Variants in VPS45 observed in about 807,000 individuals in gnomAD.
VPS45 encodes vacuolar protein sorting-associated protein 45.
A neutral mutation model predicts 75.9 loss-of-function variants in VPS45; 35 were observed. The observed-to-expected ratio is 0.46, with a 90% CI of 0.35 to 0.61. VPS45 has a LOEUF of 0.61. Among genes scored for constraint, VPS45 ranks in the 20% least tolerant of loss-of-function variants. The pLI, the probability that VPS45 is intolerant of heterozygous loss-of-function variation, is 0.00. For missense variants in VPS45, 559 were observed against 685.9 expected, an observed-to-expected ratio of 0.81 and a Z score of 2.07; for synonymous variants, 220 against 238.2, an observed-to-expected ratio of 0.92 and a Z score of 0.70.
chr1:150,104,329 G>T (rs1462198169), intron 13 of VPS45, among the ~76,000 whole-genome samples: 2 of 152,106 alleles, frequency 1.3e-5, no homozygotes, highest in Non-Finnish European at 2.9e-5. Context: ...CCATGTTGCT[G>T]CAAAGGACAT....
At chr1:150,078,457 G>T (rs1417751811) in intron 7 of VPS45, among the ~76,000 whole-genome samples, 1 of 151,990 alleles carries the variant, frequency 6.6e-6, no homozygotes, top group Non-Finnish European at 1.5e-5. Context: ...TCAAAATACT[G>T]CTGTTAAAAC....
chr1:150,122,790 G>A (rs1553809917), intron 14 of VPS45, among the ~76,000 whole-genome samples: 1 of 151,886 alleles, frequency 6.6e-6, no homozygotes, highest in African/African-American at 2.4e-5. Flanking sequence ...CCTGAGGTCA[G>A]GAGTTTGAGA....
intron 13 of VPS45, among the ~76,000 whole-genome samples, chr1:150,108,266 G>C (rs587697759): frequency 1.1e-4 from 16 of 152,336 alleles, no homozygotes; most frequent in African/African-American, 3.8e-4. Flanking sequence ...GGAACCATCA[G>C]CAGATGTATT....
intron 13 of VPS45, among the ~76,000 whole-genome samples, chr1:150,095,182 G>T (rs1553802783): frequency 2.0e-5 from 3 of 152,154 alleles, no homozygotes; most frequent in African/African-American, 7.2e-5. Context: ...AACAAATGAA[G>T]AATATAATTT....
At chr1:150,077,558 A>G (rs781794836) in intron 6 of VPS45, 111 bp from the exon 7 acceptor site, 76 of 782,798 alleles carry the variant, frequency 9.7e-5, no homozygotes, top group Non-Finnish European at 1.4e-4. Flanking sequence ...TGGAAGATCT[A>G]TGTGGGTGCA....
intron 10 of VPS45, among the ~76,000 whole-genome samples, chr1:150,088,434 A>ATATAT (rs1656134207): frequency 3.2e-5 from 4 of 125,540 alleles, no homozygotes; most frequent in African/African-American, 6.5e-5. Context: ...CTGAATAATA[A>ATATAT]ATATATATAT....
At chr1:150,099,885 T>C (rs1571862231) in intron 13 of VPS45, among the ~76,000 whole-genome samples, 3 of 143,242 alleles carry the variant, frequency 2.1e-5, no homozygotes, top group African/African-American at 5.1e-5. Flanking sequence ...GCCAACATCA[T>C]ACTGAATGGG....
At chr1:150,101,313 A>G (rs1656974264) in intron 13 of VPS45, among the ~76,000 whole-genome samples, 1 of 150,966 alleles carries the variant, frequency 6.6e-6, no homozygotes, top group Non-Finnish European at 1.5e-5. Context: ...GCTACTTCTC[A>G]AAAGAAGACA....
At chr1:150,112,840 A>G (rs1160947399) in intron 14 of VPS45, among the ~76,000 whole-genome samples, 1 of 152,150 alleles carries the variant, frequency 6.6e-6, no homozygotes, top group African/African-American at 2.4e-5. Flanking sequence ...TCAGGAAACC[A>G]CTTTACTGCA....
chr1:150,069,474 T>TTTTTTTTG (rs1654910412), intron 2 of VPS45, among the ~76,000 whole-genome samples: 1 of 149,892 alleles, frequency 6.7e-6, no homozygotes, highest in African/African-American at 2.5e-5. Context: ...TTTTTTTTTT[T>TTTTTTTTG]GAGATGGAGT....
chr1:150,112,064 T>C (rs1416183037), intron 14 of VPS45, among the ~76,000 whole-genome samples: 2 of 152,214 alleles, frequency 1.3e-5, no homozygotes, highest in African/African-American at 4.8e-5. Flanking sequence ...ACCTCTTTGT[T>C]AGTGTCCAGA....
At chr1:150,105,432 C>CA (rs1372810434) in intron 13 of VPS45, among the ~76,000 whole-genome samples, 2 of 152,096 alleles carry the variant, frequency 1.3e-5, no homozygotes, top group African/African-American at 4.8e-5. Flanking sequence ...TCTCAGGATA[C>CA]AAAATCAACA....
intron 9 of VPS45, 24 bp downstream of exon 9, chr1:150,082,021 G>T: frequency 6.9e-7 from 1 of 1,453,060 alleles, no homozygotes; most frequent in South Asian, 1.2e-5. Context: ...GTACATGAAT[G>T]ACAAACATGT....
chr1:150,086,144 G>T (rs2101548438), intron 10 of VPS45, among the ~76,000 whole-genome samples: 1 of 152,210 alleles, frequency 6.6e-6, no homozygotes, highest in South Asian at 2.1e-4. Flanking sequence ...AAATGAGGAG[G>T]AAGAGCTCTA....
intron 10 of VPS45, among the ~76,000 whole-genome samples, chr1:150,086,429 T>C (rs868971790): frequency 2.6e-5 from 4 of 152,172 alleles, no homozygotes; most frequent in Non-Finnish European, 4.4e-5. Flanking sequence ...ATCCAAGACA[T>C]GTTTTTTAGT....
chr1:150,112,651 A>T (rs1657707321), intron 14 of VPS45, among the ~76,000 whole-genome samples: 1 of 152,130 alleles, frequency 6.6e-6, no homozygotes, highest in South Asian at 2.1e-4. Context: ...GACACGATCT[A>T]CCTGGAGTTA....
chr1:150,080,231 C>T (rs781985690), intron 7 of VPS45, among the ~76,000 whole-genome samples: 3 of 151,756 alleles, frequency 2.0e-5, no homozygotes, highest in African/African-American at 7.3e-5. Flanking sequence ...CTACAACCTC[C>T]GCCTCCTGGG....
chr1:150,137,311 T>C (rs1200382342), intron 14 of VPS45, among the ~76,000 whole-genome samples: 1 of 152,194 alleles, frequency 6.6e-6, no homozygotes, highest in Non-Finnish European at 1.5e-5. Flanking sequence ...GGGTCTTCTT[T>C]TAAAAATCTG....
At chr1:150,071,329 T>C (rs368419695) in intron 2 of VPS45, among the ~76,000 whole-genome samples, 2 of 152,220 alleles carry the variant, frequency 1.3e-5, no homozygotes, top group African/African-American at 4.8e-5. Flanking sequence ...ACAATGTAAT[T>C]GTAGAAAAGA....
Sources: gnomAD v4.1 joint callset for allele counts (sites outside exome capture counted in the v4.1 genomes callset) on GRCh38, gnomAD v4.1.1 for gene constraint, MANE v1.5 for transcripts, NCBI Gene and HGNC (gene_info 2026-07-23, HGNC 2026-07-21) for gene names.